Variants in NRXN3 observed in about 807,000 individuals in gnomAD.
NRXN3 encodes neurexin 3.
NRXN3 carries 32 observed loss-of-function variants against 137.6 expected under a neutral mutation model. The ratio of observed to expected loss-of-function variants is 0.23; its 90% CI spans 0.18 to 0.31. The LOEUF (loss-of-function observed/expected upper bound fraction) is 0.31, where lower values mean the gene tolerates loss of function less well. Among genes scored for constraint, NRXN3 ranks in the 10% least tolerant of loss-of-function variants. The pLI, the probability that NRXN3 is intolerant of heterozygous loss-of-function variation, is 1.00. For synonymous variants in NRXN3, 798 were observed against 784.5 expected, an observed-to-expected ratio of 1.02 and a Z score of -0.29; for missense variants, 1,574 against 2,062.5, an observed-to-expected ratio of 0.76 and a Z score of 4.59.
At chr14:78,491,218 C>T (rs960803603) in intron 4 of NRXN3, among the ~76,000 whole-genome samples, 3 of 152,280 alleles carry the variant, frequency 2.0e-5, no homozygotes, top group African/African-American at 4.8e-5. Context: ...TTGGGATCAG[C>T]TGTGACCTAA....
intron 15 of NRXN3, among the ~76,000 whole-genome samples, chr14:79,335,872 G>A (rs1290178153): frequency 6.6e-6 from 1 of 151,966 alleles, no homozygotes; most frequent in Non-Finnish European, 1.5e-5. Context: ...CCATTTATCT[G>A]TCACTTAGCA....
At chr14:79,404,210 C>G (rs2095265765) in intron 15 of NRXN3, among the ~76,000 whole-genome samples, 2 of 152,192 alleles carry the variant, frequency 1.3e-5, no homozygotes, top group Admixed American at 6.5e-5. Flanking sequence ...GAGCATCCAA[C>G]AAACGTCTAA....
At chr14:79,670,455 A>T (rs1175995752) in intron 17 of NRXN3, among the ~76,000 whole-genome samples, 1 of 152,090 alleles carries the variant, frequency 6.6e-6, no homozygotes, top group African/African-American at 2.4e-5. Context: ...GCTGTCGAGA[A>T]GTTTCTCTAT....
chr14:79,006,863 C>T (rs1436071518), intron 15 of NRXN3, among the ~76,000 whole-genome samples: 3 of 152,074 alleles, frequency 2.0e-5, no homozygotes, highest in Non-Finnish European at 4.4e-5. Context: ...AGATAAAATT[C>T]CATCAGCTAA....
intron 15 of NRXN3, among the ~76,000 whole-genome samples, chr14:79,417,949 G>A (rs942449832): frequency 1.7e-4 from 25 of 147,026 alleles, no homozygotes; most frequent in Admixed American, 9.0e-4. Context: ...CAACAGAAGC[G>A]TAGAGAATAT....
At chr14:79,554,950 G>A (rs933601643) in intron 16 of NRXN3, among the ~76,000 whole-genome samples, 1 of 152,110 alleles carries the variant, frequency 6.6e-6, no homozygotes, top group African/African-American at 2.4e-5. Flanking sequence ...TGATTCCCAT[G>A]CATGTGGAAT....
At chr14:78,540,943 G>A (rs925765839) in intron 4 of NRXN3, among the ~76,000 whole-genome samples, 2 of 152,078 alleles carry the variant, frequency 1.3e-5, no homozygotes, top group Non-Finnish European at 2.9e-5. Context: ...TTGAATATTG[G>A]CCTCCACTCT....
At chr14:78,555,114 A>C (rs1049703811) in intron 4 of NRXN3, among the ~76,000 whole-genome samples, 1 of 152,172 alleles carries the variant, frequency 6.6e-6, no homozygotes, top group Non-Finnish European at 1.5e-5. Flanking sequence ...CACTAATGGC[A>C]TTCACTAACG....
intron 6 of NRXN3, among the ~76,000 whole-genome samples, chr14:78,687,288 C>T (rs574530716): frequency 1.3e-5 from 2 of 152,238 alleles, no homozygotes; most frequent in African/African-American, 4.8e-5. Context: ...ATTAGGAAAA[C>T]CCCCCTGGCT....
intron 19 of NRXN3, among the ~76,000 whole-genome samples, chr14:79,744,422 C>CG (rs201519106): frequency 4.6e-5 from 7 of 152,158 alleles, no homozygotes; most frequent in African/African-American, 2.4e-5. Flanking sequence ...TTCCTACCCC[C>CG]CAAAAATGAA....
chr14:78,749,723 T>C (rs1595486021), intron 8 of NRXN3, among the ~76,000 whole-genome samples: 1 of 152,228 alleles, frequency 6.6e-6, no homozygotes, highest in East Asian at 1.9e-4. Context: ...CATCCAACTC[T>C]GTCCCTCTGG....
intron 1 of NRXN3, among the ~76,000 whole-genome samples, chr14:78,222,332 A>G (rs1219549644): frequency 6.9e-6 from 1 of 144,788 alleles, no homozygotes; most frequent in African/African-American, 2.8e-5. Flanking sequence ...ACACACACAC[A>G]TACACACACA....
chr14:79,019,654 C>T (rs1344600724), intron 15 of NRXN3, among the ~76,000 whole-genome samples: 3 of 152,140 alleles, frequency 2.0e-5, no homozygotes, highest in Non-Finnish European at 4.4e-5. Context: ...AGAAGAATTA[C>T]AGCATCCTAG....
chr14:78,217,880 T>A (rs2063457443), intron 1 of NRXN3, among the ~76,000 whole-genome samples: 1 of 152,132 alleles, frequency 6.6e-6, no homozygotes, highest in African/African-American at 2.4e-5. Flanking sequence ...AGGCTGGTCT[T>A]GAATTCCTGA....
intron 15 of NRXN3, among the ~76,000 whole-genome samples, chr14:79,006,148 A>G (rs186045662): frequency 8.9e-6 from 1 of 112,752 alleles, no homozygotes; most frequent in East Asian, 2.2e-4. Context: ...GAGAGAAAAT[A>G]GTAAGCTTTG....
chr14:78,623,191 A>G (rs1267664764), intron 4 of NRXN3, among the ~76,000 whole-genome samples: 2 of 152,226 alleles, frequency 1.3e-5, no homozygotes, highest in Admixed American at 1.3e-4. Flanking sequence ...ATGTATGTTA[A>G]TTCAATGTTT....
intron 15 of NRXN3, among the ~76,000 whole-genome samples, chr14:79,441,403 G>A (rs868155516): frequency 1.7e-4 from 18 of 104,978 alleles, no homozygotes; most frequent in African/African-American, 4.5e-4. Flanking sequence ...TTTTTGAGAC[G>A]GAGTCTCGCT....
At chr14:78,526,345 T>G (rs1199766692) in intron 4 of NRXN3, among the ~76,000 whole-genome samples, 1 of 152,202 alleles carries the variant, frequency 6.6e-6, no homozygotes, top group African/African-American at 2.4e-5. Context: ...GGCCTCAAAC[T>G]TCAAATCTGC....
intron 4 of NRXN3, among the ~76,000 whole-genome samples, chr14:78,644,200 G>C (rs1052821063): frequency 6.6e-6 from 1 of 151,040 alleles, no homozygotes; most frequent in African/African-American, 2.4e-5. Context: ...ATCCAGGGAA[G>C]AGGCCTGCAC....
Sources: allele counts gnomAD v4.1 joint callset (sites outside exome capture counted in the v4.1 genomes callset), GRCh38; gene constraint gnomAD v4.1.1; transcripts MANE v1.5; gene names NCBI Gene and HGNC (gene_info 2026-07-23, HGNC 2026-07-21).